TP53BP1: variants seen among roughly 807,000 people sequenced by gnomAD.
TP53BP1 encodes TP53-binding protein 1.
In TP53BP1, 61 loss-of-function variants were observed where a neutral mutation model predicts 200.8. The ratio of observed to expected loss-of-function variants is 0.30; its 90% CI spans 0.25 to 0.38. The LOEUF (loss-of-function observed/expected upper bound fraction) is 0.38, where lower values mean the gene tolerates loss of function less well. Ranked by LOEUF, TP53BP1 falls within the 10% of genes least tolerant of loss-of-function variation. The pLI, the probability that TP53BP1 is intolerant of heterozygous loss-of-function variation, is 1.00. For missense variants in TP53BP1, 2,144 were observed against 2,371.9 expected, an observed-to-expected ratio of 0.90 and a Z score of 2.00; for synonymous variants, 822 against 844.3, an observed-to-expected ratio of 0.97 and a Z score of 0.46.
chr15:43,403,572 G>C lies in TP53BP1; in HGVS notation c.*3811C>G. On this transcript the variant is annotated 3_prime_UTR_variant, in exon 28 of 28. Coordinates refer to ENST00000382044, the MANE Select transcript of TP53BP1 (RefSeq NM_001141980.3). ...GGCAGTGTCTATCCTGTCAGATTTG[G>C]GAGGTCAGCTATTAATTAGATCAGC... The C allele has an allele frequency of 1.3e-6, 1 of 792,246 alleles. No homozygotes were observed. The highest frequency in any genetic ancestry group is 2.1e-6 in the Non-Finnish European group (1 of 478,906). The allele number at this position is 792,246 out of a possible 1,614,324, so 49.1% of individuals were successfully genotyped here.
Position 43,409,042 on chromosome 15 carries a change from T to C in TP53BP1, c.5455A>G (p.Lys1819Glu), listed in dbSNP as rs781428222. The part of the protein sequence containing the change: ...LIADQHCRTR[K>E]YFLCLASGIP... ...CCACTGGCAAGGCACAGGAAGTACT[T>C]CCGGGTTCGACAATGCTGATCCGCA... is the stretch of plus-strand genomic sequence containing the variant. Residue 1819 changes from lysine to glutamate, a missense_variant, in exon 26 of 28, where the codon AAG (lysine) becomes GAG (glutamate). By Grantham distance (56) the Lys-to-Glu change is moderately conservative. This residue lies in a region of TP53BP1 where 334 missense variants were observed against 453.4 expected (regional missense o/e 0.74). Coordinates refer to ENST00000382044, the MANE Select transcript of TP53BP1 (RefSeq NM_001141980.3). 9 of 1,614,068 alleles carry C rather than the reference T, an allele frequency of 5.6e-6. No individual in the cohort carries two copies. The highest frequency in any genetic ancestry group is 7.6e-6 in the Non-Finnish European group (9 of 1,180,030).
At chr15:43,471,290 G>C (rs2046718657) in intron 10 of TP53BP1, among the ~76,000 whole-genome samples, 1 of 151,550 alleles carries the variant, frequency 6.6e-6, no homozygotes, top group African/African-American at 2.4e-5. Flanking sequence ...TTTATGCATT[G>C]AAAACTGAAA....
In TP53BP1 at chr15:43,415,870, A is replaced by G. The variant is rs1223981850; in HGVS notation, c.4874-61T>C. 2.8e-6 allele frequency: 4 copies of G among 1,403,876 alleles called. No homozygotes were observed. The Admixed American group carries it at 7.1e-5, about 25-fold the overall frequency. The allele number at this position is 1,403,876 out of a possible 1,614,324, so 87.0% of individuals were successfully genotyped here. On this transcript the variant is annotated intron_variant, in intron 22 of 27. Coordinates refer to ENST00000382044, the MANE Select transcript of TP53BP1 (RefSeq NM_001141980.3). ...CTATGGTATGAGGCCCTGAACTCCAAGAAACTGGGCAGACCCTGATTCAGA... is the reference window on the plus strand; with the variant it reads ...CTATGGTATGAGGCCCTGAACTCCAGGAAACTGGGCAGACCCTGATTCAGA...
chr15:43,478,885 C>T (rs987158288), intron 7 of TP53BP1, among the ~76,000 whole-genome samples: 7 of 152,156 alleles, frequency 4.6e-5, no homozygotes, highest in African/African-American at 1.7e-4. Flanking sequence ...CCAAAGATTA[C>T]GGAGTCATGC....
chr15:43,498,837 A>G (rs561956420), intron 1 of TP53BP1, among the ~76,000 whole-genome samples: 14 of 152,312 alleles, frequency 9.2e-5, no homozygotes, highest in African/African-American at 3.4e-4. Context: ...AAATTATCCA[A>G]GATTGGAGCT....
chr15:43,456,911 G>A lies in TP53BP1; in HGVS notation c.1697C>T (p.Pro566Leu). The change falls in exon 12 of 28, where the codon CCT (proline) becomes CTT (leucine). Residue 566 changes from proline (P) to leucine (L), a missense_variant. Coordinates refer to ENST00000382044, the MANE Select transcript of TP53BP1 (RefSeq NM_001141980.3). ...MSPVLNSKFVPAENDSILMNP... is the reference protein window; with the variant it reads ...MSPVLNSKFVLAENDSILMNP... ...CATCAGGATACTATCATTTTCAGCA[G>A]GAACAAATTTAGAATTGAGAACTGG... 6.2e-7 allele frequency: 1 copy of A among 1,614,020 alleles called. No homozygotes were observed. The highest frequency in any genetic ancestry group is 8.5e-7 in the Non-Finnish European group (1 of 1,180,034).
At position 43,406,210 on chromosome 15, in the gene TP53BP1, G is replaced by A. The variant is rs1359897759; in HGVS notation, c.*1173C>T. 6.2e-6 allele frequency: 1 copy of A among 161,830 alleles called. No individual in the cohort carries two copies. The highest frequency in any genetic ancestry group is 1.3e-5 in the Non-Finnish European group (1 of 74,272). The allele number at this position is 161,830 out of a possible 1,614,324, so 10.0% of individuals were successfully genotyped here. On this transcript the variant is annotated 3_prime_UTR_variant, in exon 28 of 28. Transcript: ENST00000382044. ...ATCTTAATATGGCCCAGCCATCACT[G>A]GTAATCAATATTCATATCAGTGTAA...
chr15:43,478,001 C>T (rs2078909245), intron 7 of TP53BP1, among the ~76,000 whole-genome samples: 1 of 152,164 alleles, frequency 6.6e-6, no homozygotes, highest in Non-Finnish European at 1.5e-5. Context: ...CTGCTCAATA[C>T]TGTGCTTCAT....
chr15:43,438,116 G>A (rs1003075760), intron 16 of TP53BP1, among the ~76,000 whole-genome samples: 5 of 152,180 alleles, frequency 3.3e-5, no homozygotes, highest in African/African-American at 4.8e-5. Flanking sequence ...GTGCCCCCAC[G>A]ACCTAATTAC....
At chr15:43,449,173 G>A (rs2046109895) in intron 12 of TP53BP1, among the ~76,000 whole-genome samples, 1 of 152,066 alleles carries the variant, frequency 6.6e-6, no homozygotes, top group East Asian at 1.9e-4. Flanking sequence ...TAAACAGTAT[G>A]GATGAAGAAT....
intron 24 of TP53BP1, among the ~76,000 whole-genome samples, chr15:43,410,367 AT>A (rs1291674924): frequency 6.6e-6 from 1 of 152,158 alleles, no homozygotes; most frequent in Non-Finnish European, 1.5e-5. Context: ...ACCTTTGATG[AT>A]CTTGAAGTAC....
At chr15:43,492,615 G>T in intron 1 of TP53BP1, 147 bp from the exon 2 acceptor site, 1 of 640,168 alleles carries the variant, frequency 1.6e-6, no homozygotes, top group South Asian at 2.0e-5. Context: ...ATTTATAATT[G>T]CTGCAAGCAC....
intron 11 of TP53BP1, among the ~76,000 whole-genome samples, chr15:43,466,204 T>A (rs1323191056): frequency 6.6e-6 from 1 of 152,128 alleles, no homozygotes; most frequent in Admixed American, 6.6e-5. Context: ...CGGATGACAG[T>A]GAACGGAGGT....
intron 1 of TP53BP1, among the ~76,000 whole-genome samples, chr15:43,505,990 T>C (rs539016171): frequency 1.3e-5 from 2 of 152,302 alleles, no homozygotes; most frequent in East Asian, 1.9e-4. Context: ...CTTGGATATT[T>C]TGGTGGATAA....
chr15:43,505,836 C>A (rs1222932538), intron 1 of TP53BP1, among the ~76,000 whole-genome samples: 1 of 152,174 alleles, frequency 6.6e-6, no homozygotes, highest in African/African-American at 2.4e-5. Flanking sequence ...TGCTGGTATG[C>A]ATTATGATCA....
At chr15:43,491,626 A>G (rs1360079854) in intron 4 of TP53BP1, 43 bp downstream of exon 4, 2 of 1,416,990 alleles carry the variant, frequency 1.4e-6, no homozygotes, top group Non-Finnish European at 2.0e-6. Flanking sequence ...AAAAGAACAA[A>G]TCTGATAATA....
intron 1 of TP53BP1, among the ~76,000 whole-genome samples, chr15:43,505,075 G>C (rs2253708): frequency 0.27 from 41,156 of 152,016 alleles, 9,160 homozygotes; most frequent in African/African-American, 0.61. Context: ...ATTTGCAGGA[G>C]GTAATGTTGG....
Position 43,456,032 on chromosome 15 carries a change from T to G in TP53BP1, c.2576A>C (p.Gln859Pro). Residue 859 changes from glutamine (Q) to proline (P), a missense_variant, in exon 12 of 28, where the codon CAA becomes CCA. Gln to Pro is a moderately conservative substitution (Grantham distance 76). Around this residue, in one of 4 missense-constraint regions of TP53BP1, gnomAD observed 1,700 missense variants for 1,710.3 expected, o/e 0.99. Coordinates refer to ENST00000382044, the MANE Select transcript of TP53BP1 (RefSeq NM_001141980.3). ...TGAATTACTTGTTTTCTCCTGAGTT[T>G]GGGGCTGCTGCAACTCCTGGTCAAG... ...LRLDQELQQP[Q>P]TQEKTSNSLT... The G allele has an allele frequency of 6.2e-7, 1 of 1,614,238 alleles. No homozygotes were observed. The highest frequency in any genetic ancestry group is 8.5e-7 in the Non-Finnish European group (1 of 1,180,048).
intron 4 of TP53BP1, among the ~76,000 whole-genome samples, chr15:43,491,271 G>T (rs1031286186): frequency 2.0e-5 from 3 of 151,890 alleles, no homozygotes; most frequent in African/African-American, 7.3e-5. Context: ...AGTAGAGATG[G>T]GGTTTCACCA....
Sources: allele counts gnomAD v4.1 joint callset (sites outside exome capture counted in the v4.1 genomes callset), GRCh38; gene constraint gnomAD v4.1.1; regional missense constraint gnomAD v4.1.1; transcripts MANE v1.5; gene names NCBI Gene and HGNC (gene_info 2026-07-23, HGNC 2026-07-21).